PSMC6: variants seen among roughly 807,000 people sequenced by gnomAD.
PSMC6 encodes proteasome 26S subunit, ATPase 6.
Under a neutral mutation model 55.9 loss-of-function variants are expected in PSMC6, and 3 were observed. The observed-to-expected ratio is 0.05, with a 90% CI of 0.02 to 0.14. PSMC6 has a LOEUF of 0.14. Among genes scored for constraint, PSMC6 ranks in the 10% least tolerant of loss-of-function variants. The probability of loss-of-function intolerance (pLI) is 1.00; values close to 1 mark genes in which losing one functional copy is unlikely to be tolerated. For synonymous variants in PSMC6, 137 were observed against 155.9 expected, an observed-to-expected ratio of 0.88 and a Z score of 0.90; for missense variants, 210 against 478.7, an observed-to-expected ratio of 0.44 and a Z score of 5.24.
In PSMC6 at chr14:52,716,552, G is replaced by A. The variant is rs547192189; in HGVS notation, c.530-1529G>A. ...GCGGATCACCTGAGGTCGGGAGTTCGAGACCAGCCTGACCAACATGGAGAA... is the reference window on the plus strand; with the variant it reads ...GCGGATCACCTGAGGTCGGGAGTTCAAGACCAGCCTGACCAACATGGAGAA... On this transcript the variant is annotated intron_variant, in intron 7 of 13. Transcript: ENST00000445930. Among the ~76,000 whole-genome samples the A allele has an allele frequency of 1.6e-3, 246 of 152,202 alleles. 2 individuals are homozygous for A. The highest frequency in any genetic ancestry group is 2.8e-3 in the Non-Finnish European group (193 of 68,000).
chr14:52,709,494 C>T, intron 4 of PSMC6: 1 of 407,780 alleles, frequency 2.5e-6, no homozygotes, highest in Non-Finnish European at 4.8e-6. Context: ...TAGGATTTTG[C>T]CTAGTATATA....
At chr14:52,719,121 T>C in intron 10 of PSMC6, 83 bp downstream of exon 10, 2 of 1,118,390 alleles carry the variant, frequency 1.8e-6, no homozygotes, top group Non-Finnish European at 2.6e-6. Context: ...ATAGTCAAAA[T>C]ATATAGAACA....
At chr14:52,717,547 C>G (rs1418278577) in intron 7 of PSMC6, among the ~76,000 whole-genome samples, 1 of 151,124 alleles carries the variant, frequency 6.6e-6, no homozygotes, top group Non-Finnish European at 1.5e-5. Context: ...GTGTTTCGAT[C>G]TCCTGACCCT....
In PSMC6 at chr14:52,727,790, A is replaced by G. The variant is rs1880481395; in HGVS notation, c.*173A>G. The G allele has an allele frequency of 6.3e-6, 3 of 475,412 alleles. No individual in the cohort carries two copies. 29.4% of individuals were successfully genotyped at this position (475,412 alleles called of 1,614,324 possible). ...CTTTTAAGATACAGAAGAAATTTGT[A>G]TGTTTGTTAAAGTTGCATTTATTGC... On this transcript the variant is annotated 3_prime_UTR_variant, in exon 14 of 14. Coordinates refer to ENST00000445930, the MANE Select transcript of PSMC6 (RefSeq NM_002806.5).
chr14:52,708,225 A>C, intron 1 of PSMC6, 84 bp from the exon 2 acceptor site: 1 of 1,164,920 alleles, frequency 8.6e-7, no homozygotes, highest in Non-Finnish European at 1.3e-6. Context: ...AAGTAGACTT[A>C]CGTAAACAGT....
intron 4 of PSMC6, chr14:52,710,690 C>A: frequency 4.5e-6 from 1 of 221,184 alleles, no homozygotes; most frequent in Non-Finnish European, 9.0e-6. Context: ...CTCTCATGAG[C>A]ATTTAACACA....
chr14:52,723,217 A>G (rs1248430473), intron 12 of PSMC6: 1 of 152,276 alleles, frequency 6.6e-6, no homozygotes, highest in African/African-American at 2.4e-5. Context: ...TATATGTGTG[A>G]TTTCAAATAG....
At chr14:52,726,518 C>T (rs1443521962) in intron 13 of PSMC6, among the ~76,000 whole-genome samples, 1 of 152,070 alleles carries the variant, frequency 6.6e-6, no homozygotes, top group Non-Finnish European at 1.5e-5. Context: ...CAGCAAATTG[C>T]TTCCTGTCAA....
chr14:52,718,499 C>A (rs2041854622), intron 9 of PSMC6, 147 bp downstream of exon 9: 3 of 886,258 alleles, frequency 3.4e-6, no homozygotes, highest in South Asian at 1.8e-5. Context: ...TAATAAATAA[C>A]CTTTCATGGC....
chr14:52,718,515 G>A (rs2041854985), intron 9 of PSMC6, 163 bp downstream of exon 9: 2 of 779,590 alleles, frequency 2.6e-6, no homozygotes, highest in Non-Finnish European at 3.9e-6. Flanking sequence ...ATGGCCGGGT[G>A]TGGTGGCTCA....
At chr14:52,723,254 C>CCAAA (rs1880271549) in intron 12 of PSMC6, 1 of 152,324 alleles carries the variant, frequency 6.6e-6, no homozygotes, top group Non-Finnish European at 1.5e-5. Flanking sequence ...TATTGCCTGA[C>CCAAA]CAAACGGTGC....
chr14:52,721,318 A>G, intron 12 of PSMC6, 128 bp downstream of exon 12: 9 of 761,250 alleles, frequency 1.2e-5, no homozygotes, highest in Non-Finnish European at 1.6e-5. Flanking sequence ...AATTCAGCAA[A>G]TAGTTATTGA....
At chr14:52,713,810 G>A in intron 6 of PSMC6, 71 bp from the exon 7 acceptor site, 1 of 981,534 alleles carries the variant, frequency 1.0e-6, no homozygotes, top group Non-Finnish European at 1.6e-6. Flanking sequence ...GGTGATATTT[G>A]ACTTAGAGTA....
At chr14:52,720,227 A>G (rs2041874744) in intron 10 of PSMC6, among the ~76,000 whole-genome samples, 1 of 145,124 alleles carries the variant, frequency 6.9e-6, no homozygotes, top group Non-Finnish European at 1.5e-5. Context: ...GTCTCCAAAA[A>G]AAAAAAAAAA....
At chr14:52,715,684 C>T (rs1322019256) in intron 7 of PSMC6, among the ~76,000 whole-genome samples, 1 of 150,334 alleles carries the variant, frequency 6.7e-6, no homozygotes, top group East Asian at 1.9e-4. Context: ...CGTGATCATC[C>T]TGGCTCGCTG....
intron 9 of PSMC6, 57 bp downstream of exon 9, chr14:52,718,409 C>G (rs935940279): frequency 6.6e-7 from 1 of 1,521,172 alleles, no homozygotes; most frequent in Non-Finnish European, 9.0e-7. Context: ...GTAAAAGAAC[C>G]TTTTTCCCTC....
intron 7 of PSMC6, 156 bp downstream of exon 7, chr14:52,714,124 T>C (rs865938787): frequency 4.3e-6 from 2 of 462,252 alleles, no homozygotes; most frequent in South Asian, 3.7e-5. Context: ...AACTGCAACC[T>C]CTGCCTTCCG....
intron 7 of PSMC6, among the ~76,000 whole-genome samples, chr14:52,715,713 C>G (rs1227374889): frequency 6.7e-6 from 1 of 150,080 alleles, no homozygotes; most frequent in Non-Finnish European, 1.5e-5. Flanking sequence ...GCCTCTTGGG[C>G]TCAGGTGATT....
At chr14:52,727,448 C>T in intron 13 of PSMC6, 51 bp from the exon 14 acceptor site, 1 of 1,117,572 alleles carries the variant, frequency 8.9e-7, no homozygotes, top group Non-Finnish European at 1.3e-6. Context: ...TTATAATGAA[C>T]ATATAATTCA....
Sources: gnomAD v4.1 joint callset for allele counts (sites outside exome capture counted in the v4.1 genomes callset) on GRCh38, gnomAD v4.1.1 for gene constraint, MANE v1.5 for transcripts, NCBI Gene and HGNC (gene_info 2026-07-23, HGNC 2026-07-21) for gene names.